The following FLVCR2 variants were observed in gnomAD, a reference collection of about 807,000 sequenced individuals.
FLVCR2 encodes the protein choline/ethanolamine transporter FLVCR2.
FLVCR2 carries 38 observed loss-of-function variants against 48.9 expected under a neutral mutation model. The ratio of observed to expected loss-of-function variants is 0.78; its 90% CI spans 0.60 to 1.02. The LOEUF is 1.02. Among genes scored for constraint, FLVCR2 ranks in the 50% least tolerant of loss-of-function variants. The pLI is 0.00. For synonymous variants in FLVCR2, 255 were observed against 257.0 expected (o/e 0.99, Z 0.07); for missense variants, 664 against 663.3 (o/e 1.00, Z -0.01).
intron 1 of FLVCR2, among the ~76,000 whole-genome samples, chr14:75,588,935 T>A (rs1426693391): frequency 6.6e-6 from 1 of 152,110 alleles, no homozygotes; most frequent in Non-Finnish European, 1.5e-5. Flanking sequence ...ATGCCCAAAT[T>A]CTAGAGTCTC....
intron 1 of FLVCR2, among the ~76,000 whole-genome samples, chr14:75,580,265 TTC>T (rs1888562082): frequency 6.6e-6 from 1 of 152,256 alleles, no homozygotes; most frequent in African/African-American, 2.4e-5. Context: ...CTTAATCTTT[TTC>T]TCTTTCTTTC....
At chr14:75,608,858 C>T (rs1889365582) in intron 1 of FLVCR2, among the ~76,000 whole-genome samples, 1 of 152,190 alleles carries the variant, frequency 6.6e-6, no homozygotes, top group Admixed American at 6.5e-5. Flanking sequence ...AGTGTGCCCC[C>T]ATCCTGGGCC....
chr14:75,578,891 TA>T lies in FLVCR2; in HGVS notation c.-80del. ...GAATAGGCAAGTGTCCTTTCAACTC[TA>T]AGAGACCAGCAGAGGCCACTGTCCC... On this transcript the variant is annotated 5_prime_UTR_variant, in exon 1 of 10. Coordinates refer to ENST00000238667, the MANE Select transcript of FLVCR2 (RefSeq NM_017791.3). 7.5e-7 allele frequency: 1 copy of T among 1,333,252 alleles called. No homozygotes were observed. Among genetic ancestry groups the T allele is most frequent in the Non-Finnish European group, 1.1e-6 (1 of 929,242 alleles). 82.6% of individuals were successfully genotyped at this position (1,333,252 alleles called of 1,614,324 possible).
rs1268944921 is a variant in FLVCR2 at position 75,647,021 on chromosome 14, T to A, written c.*549T>A. The A allele has an allele frequency of 5.9e-6, 1 of 170,164 alleles. No individual in the cohort carries two copies. The highest frequency in any genetic ancestry group is 1.3e-5 in the Non-Finnish European group (1 of 77,496). The allele number at this position is 170,164 out of a possible 1,614,324, so 10.5% of individuals were successfully genotyped here. ...ATCAGAACAGCTCCACCGGGACTTGTGGGCCTAAATTTTCCTGGCCTAACG... is the reference window on the plus strand; with the variant it reads ...ATCAGAACAGCTCCACCGGGACTTGAGGGCCTAAATTTTCCTGGCCTAACG... On this transcript the variant is annotated 3_prime_UTR_variant, in exon 10 of 10. Coordinates refer to ENST00000238667, the MANE Select transcript of FLVCR2 (RefSeq NM_017791.3).
At chr14:75,603,134 C>G (rs1168836544) in intron 1 of FLVCR2, among the ~76,000 whole-genome samples, 1 of 152,200 alleles carries the variant, frequency 6.6e-6, no homozygotes, top group Non-Finnish European at 1.5e-5. Context: ...ATGATAGGGA[C>G]AGGAGGCAGA....
At chr14:75,612,621 T>C (rs1889488594) in intron 1 of FLVCR2, among the ~76,000 whole-genome samples, 1 of 152,220 alleles carries the variant, frequency 6.6e-6, no homozygotes, top group African/African-American at 2.4e-5. Flanking sequence ...GAGCGGTCTT[T>C]GCCTGGACAT....
At chr14:75,645,031 G>T (rs971730594) in intron 9 of FLVCR2, among the ~76,000 whole-genome samples, 2 of 32,354 alleles carry the variant, frequency 6.2e-5, no homozygotes, top group Admixed American at 7.1e-4. Context: ...GGAGGCGGGC[G>T]TGGTGTGTGT....
intron 1 of FLVCR2, among the ~76,000 whole-genome samples, chr14:75,585,124 T>A (rs1888712005): frequency 6.6e-6 from 1 of 151,222 alleles, no homozygotes; most frequent in Admixed American, 6.6e-5. Flanking sequence ...ATCAGATGAG[T>A]CTGTAGAAAA....
intron 1 of FLVCR2, among the ~76,000 whole-genome samples, chr14:75,619,519 A>G (rs542174459): frequency 2.7e-5 from 4 of 150,432 alleles, no homozygotes; most frequent in East Asian, 1.9e-4. Context: ...CCATCCATCC[A>G]TCATGACTAT....
chr14:75,631,374 C>T (rs1217600133), intron 3 of FLVCR2, among the ~76,000 whole-genome samples: 1 of 152,166 alleles, frequency 6.6e-6, no homozygotes, highest in Non-Finnish European at 1.5e-5. Context: ...TGCAGTAGGT[C>T]TGGGGTGGAA....
intron 3 of FLVCR2, among the ~76,000 whole-genome samples, chr14:75,631,145 G>A (rs574806991): frequency 5.3e-4 from 81 of 152,318 alleles, no homozygotes; most frequent in Non-Finnish European, 1.0e-3. Flanking sequence ...AGAAACAGTG[G>A]AACAGATTGG....
intron 9 of FLVCR2, among the ~76,000 whole-genome samples, chr14:75,644,643 G>A (rs566676794): frequency 3.0e-4 from 46 of 152,230 alleles, no homozygotes; most frequent in African/African-American, 1.0e-3. Flanking sequence ...TATTATGGGG[G>A]GTCAAAGTCA....
intron 1 of FLVCR2, among the ~76,000 whole-genome samples, chr14:75,608,773 G>T (rs1279052725): frequency 3.9e-5 from 6 of 152,146 alleles, no homozygotes; most frequent in Non-Finnish European, 8.8e-5. Flanking sequence ...AGGGAGGAAG[G>T]TTCCTCATTG....
intron 1 of FLVCR2, among the ~76,000 whole-genome samples, chr14:75,593,755 A>C (rs145508273): frequency 9.2e-4 from 140 of 152,368 alleles, no homozygotes; most frequent in African/African-American, 3.3e-3. Flanking sequence ...AAATGTCTTC[A>C]GGGTTTTTCT....
In FLVCR2 at chr14:75,624,762, C is replaced by A. The variant is rs1566793107; in HGVS notation, c.952+10C>A. The stretch of plus-strand genomic sequence containing the variant: ...CTTGTCATCACCTATGGTAAGGTGT[C>A]AATGTGTCTAGGAATGCATTCGAGC... On this transcript the variant is annotated intron_variant, in intron 3 of 9. Coordinates refer to ENST00000238667, the MANE Select transcript of FLVCR2 (RefSeq NM_017791.3). 3.1e-6 allele frequency: 5 copies of A among 1,613,998 alleles called. No individual in the cohort carries two copies. In the Admixed American group the frequency reaches 6.7e-5, roughly 22 times the overall value.
At chr14:75,627,540 CAACT>C (rs1889933060) in intron 3 of FLVCR2, among the ~76,000 whole-genome samples, 1 of 152,186 alleles carries the variant, frequency 6.6e-6, no homozygotes, top group South Asian at 2.1e-4. Context: ...CTGTGAAAAC[CAACT>C]GTCTCATAGC....
At chr14:75,591,349 A>G (rs1228339330) in intron 1 of FLVCR2, among the ~76,000 whole-genome samples, 2 of 152,228 alleles carry the variant, frequency 1.3e-5, no homozygotes, top group Admixed American at 6.5e-5. Flanking sequence ...CCTGGCCAGC[A>G]GACTTTAAAT....
At position 75,633,308 on chromosome 14, in the gene FLVCR2, G is replaced by A. The variant is rs761909988; in HGVS notation, c.953-321G>A. On this transcript the variant is annotated intron_variant, in intron 3 of 9. Coordinates refer to ENST00000238667, the MANE Select transcript of FLVCR2 (RefSeq NM_017791.3). ...TGACCACCCCTTAGATCTACCCAAC[G>A]CTTAAGAAGAATGTAGATGACTCTG... is the stretch of plus-strand genomic sequence containing the variant. 2.6e-5 allele frequency among the ~76,000 whole-genome samples: 4 copies of A among 152,240 alleles called. 1 individual carries two copies. The highest frequency in any genetic ancestry group is 4.1e-4 in the South Asian group (2 of 4,826).
intron 1 of FLVCR2, among the ~76,000 whole-genome samples, chr14:75,591,020 A>G (rs540512275): frequency 9.8e-5 from 15 of 152,334 alleles, no homozygotes; most frequent in African/African-American, 3.1e-4. Context: ...TTTACTTCCA[A>G]TATACAACGG....
Sources: allele counts gnomAD v4.1 joint callset (sites outside exome capture counted in the v4.1 genomes callset), GRCh38; gene constraint gnomAD v4.1.1; transcripts MANE v1.5; gene names NCBI Gene and HGNC (gene_info 2026-07-23, HGNC 2026-07-21).